Variants in PDZD2 observed in about 807,000 individuals in gnomAD.
The protein encoded by PDZD2 is PDZ domain-containing protein 2.
In PDZD2, 90 loss-of-function variants were observed where a neutral mutation model predicts 220.7. That is an observed-to-expected ratio of 0.41 (90% CI 0.34 to 0.49). The LOEUF (loss-of-function observed/expected upper bound fraction) is 0.49, where lower values mean the gene tolerates loss of function less well. PDZD2 is among the 20% of genes least tolerant of loss of function. PDZD2 has a pLI of 0.28. For synonymous variants in PDZD2, 1,375 were observed against 1,450.5 expected, an observed-to-expected ratio of 0.95 and a Z score of 1.18; for missense variants, 3,174 against 3,608.5, an observed-to-expected ratio of 0.88 and a Z score of 3.08.
chr5:32,059,312 C>G lies in PDZD2; in HGVS notation c.2274C>G (p.His758Gln). Reference sequence around the variant, plus strand: ...ACAGTCCTCCTGGCATCTACATTCACAGCCTTGCTCCAGGATCAGTGGCCA... The same window carrying G: ...ACAGTCCTCCTGGCATCTACATTCAGAGCCTTGCTCCAGGATCAGTGGCCA... ...LENSPPGIYIHSLAPGSVAKM... is the reference protein window; with the variant it reads ...LENSPPGIYIQSLAPGSVAKM... The change falls in exon 13 of 25, where the codon CAC (histidine) becomes CAG (glutamine). Residue 758 changes from histidine to glutamine, a missense_variant. Around this residue, in one of 4 missense-constraint regions of PDZD2, gnomAD observed 1,861 missense variants for 2,001.0 expected, o/e 0.93. Transcript: ENST00000438447. 1 of 1,613,082 alleles carries G rather than the reference C, an allele frequency of 6.2e-7. No homozygotes were observed. The highest frequency in any genetic ancestry group is 8.5e-7 in the Non-Finnish European group (1 of 1,179,040).
At chr5:31,771,734 C>T (rs906319179) in intron 1 of PDZD2, among the ~76,000 whole-genome samples, 8 of 152,124 alleles carry the variant, frequency 5.3e-5, no homozygotes, top group African/African-American at 1.7e-4. Context: ...AGTTAAAGGA[C>T]GGTTGATGCA....
chr5:31,725,180 A>G (rs906352324), intron 1 of PDZD2, among the ~76,000 whole-genome samples: 4 of 151,198 alleles, frequency 2.6e-5, no homozygotes, highest in African/African-American at 9.7e-5. Flanking sequence ...AAAATACAAC[A>G]AAAAAAAATT....
In PDZD2 at chr5:32,087,255, A is replaced by G. The variant is rs1218627314; in HGVS notation, c.3807A>G (p.Ala1269=). 1 of 1,614,172 alleles carries G rather than the reference A, an allele frequency of 6.2e-7. No individual in the cohort carries two copies. The highest frequency in any genetic ancestry group is 8.5e-7 in the Non-Finnish European group (1 of 1,180,002). ...VSRPENPSQP[A]SPRVTKCKAR... ...GGCCAGAGAATCCCAGCCAGCCTGC[A>G]TCGCCCAGGGTCACCAAGTGCAAGG... Residue 1269 remains alanine, a synonymous_variant, in exon 20 of 25, where the codon GCA becomes GCG. Transcript: ENST00000438447. The surrounding 1 kb of genome is among the most constrained non-coding windows in gnomAD (Gnocchi z 4.0).
chr5:31,697,829 A>G (rs1747438378), intron 1 of PDZD2, among the ~76,000 whole-genome samples: 1 of 152,152 alleles, frequency 6.6e-6, no homozygotes. Flanking sequence ...GCAGTGGCTG[A>G]GCGCCTCTGG....
intron 1 of PDZD2, among the ~76,000 whole-genome samples, chr5:31,683,035 AC>A (rs1048828849): frequency 4.7e-4 from 71 of 151,548 alleles, no homozygotes; most frequent in African/African-American, 1.7e-3. Context: ...TCTCCCCCTG[AC>A]CCCTGCCATC....
chr5:31,810,440 AT>A (rs1042689514), intron 2 of PDZD2, among the ~76,000 whole-genome samples: 10 of 151,948 alleles, frequency 6.6e-5, no homozygotes, highest in Admixed American at 3.9e-4. Flanking sequence ...ATTTTTGTAT[AT>A]TTTTTAGTAG....
Position 31,942,891 on chromosome 5 carries a change from C to T in PDZD2, c.477-40264C>T, listed in dbSNP as rs957309444. On this transcript the variant is annotated intron_variant, in intron 2 of 24. Coordinates refer to ENST00000438447, the MANE Select transcript of PDZD2 (RefSeq NM_178140.4). Reference sequence around the variant, plus strand: ...GCCTACAGAACAGTCTAAGATGCTTCGGATGTGTAGTTTTGAAATACAGAG... The same window carrying T: ...GCCTACAGAACAGTCTAAGATGCTTTGGATGTGTAGTTTTGAAATACAGAG... Among the ~76,000 whole-genome samples the T allele has an allele frequency of 5.9e-5, 9 of 152,148 alleles. No homozygotes were observed. The East Asian group carries it at 1.5e-3, about 26-fold the overall frequency.
intron 5 of PDZD2, among the ~76,000 whole-genome samples, chr5:32,001,588 C>T (rs573075475): frequency 1.1e-4 from 17 of 152,332 alleles, no homozygotes; most frequent in Admixed American, 9.2e-4. Context: ...CAGGTCCTGA[C>T]GCCCCAGGCA....
intron 2 of PDZD2, among the ~76,000 whole-genome samples, chr5:31,916,203 C>T (rs1042199539): frequency 1.3e-5 from 2 of 152,224 alleles, no homozygotes; most frequent in Non-Finnish European, 2.9e-5. Context: ...ATTAGTCCAT[C>T]CTGGAAGAAG....
intron 2 of PDZD2, among the ~76,000 whole-genome samples, chr5:31,851,287 G>A (rs1380047344): frequency 6.6e-6 from 1 of 152,164 alleles, no homozygotes; most frequent in East Asian, 1.9e-4. Context: ...GGGGTAGGGA[G>A]AAGGGGGGCA....
intron 2 of PDZD2, among the ~76,000 whole-genome samples, chr5:31,808,978 C>CAA (rs5867105): frequency 1.4e-5 from 2 of 145,190 alleles, no homozygotes; most frequent in African/African-American, 5.0e-5. Context: ...GACTCCATCT[C>CAA]AAAAAAAAAA....
intron 1 of PDZD2, among the ~76,000 whole-genome samples, chr5:31,739,528 AGGAGACTTC>A (rs1181272234): frequency 4.6e-5 from 7 of 152,230 alleles, no homozygotes; most frequent in African/African-American, 1.7e-4. Context: ...GGAAGATATG[AGGAGACTTC>A]AAAAAGTTAG....
intron 14 of PDZD2, among the ~76,000 whole-genome samples, chr5:32,063,156 C>T (rs1374646158): frequency 1.3e-5 from 2 of 151,700 alleles, no homozygotes; most frequent in African/African-American, 4.8e-5. Flanking sequence ...GTGATTCTCC[C>T]GCCTCAGCCT....
At chr5:32,044,103 C>T (rs540326171) in intron 7 of PDZD2, among the ~76,000 whole-genome samples, 4 of 151,694 alleles carry the variant, frequency 2.6e-5, no homozygotes, top group South Asian at 2.1e-4. Flanking sequence ...CTGAGGTGGG[C>T]GGATCACCTG....
chr5:31,859,537 T>G (rs1411368632), intron 2 of PDZD2, among the ~76,000 whole-genome samples: 1 of 152,234 alleles, frequency 6.6e-6, no homozygotes, highest in Non-Finnish European at 1.5e-5. Context: ...TGTTACTGTT[T>G]CTTGGATGAA....
chr5:31,996,348 C>T (rs1751632699), intron 4 of PDZD2, among the ~76,000 whole-genome samples: 1 of 152,200 alleles, frequency 6.6e-6, no homozygotes, highest in African/African-American at 2.4e-5. Flanking sequence ...GAGGCCAAAG[C>T]AGGAGGATTG....
intron 2 of PDZD2, among the ~76,000 whole-genome samples, chr5:31,870,067 T>C (rs1220151246): frequency 1.3e-5 from 2 of 152,198 alleles, no homozygotes; most frequent in African/African-American, 2.4e-5. Context: ...TTGGCCATGC[T>C]GTCCTGTGGG....
At chr5:32,094,507 A>G (rs1168550267) in intron 21 of PDZD2, among the ~76,000 whole-genome samples, 2 of 152,150 alleles carry the variant, frequency 1.3e-5, no homozygotes, top group Non-Finnish European at 2.9e-5. Context: ...CTTGGCACCT[A>G]GTAAGGAGTT....
At chr5:31,695,970 C>T (rs772789423) in intron 1 of PDZD2, among the ~76,000 whole-genome samples, 2 of 152,142 alleles carry the variant, frequency 1.3e-5, no homozygotes, top group Admixed American at 1.3e-4. Context: ...TCCTCTTTTG[C>T]CAGCTGTCTT....
Sources: gnomAD v4.1 joint callset for allele counts (sites outside exome capture counted in the v4.1 genomes callset) on GRCh38, gnomAD v4.1.1 for gene constraint, gnomAD v4.1.1 regional missense constraint, Gnocchi (gnomAD v3.1) non-coding constraint, MANE v1.5 for transcripts, NCBI Gene and HGNC (gene_info 2026-07-23, HGNC 2026-07-21) for gene names.